The following CDK6 variants were observed in gnomAD, a reference collection of about 807,000 sequenced individuals.
CDK6 encodes cyclin-dependent kinase 6.
A neutral mutation model predicts 37.1 loss-of-function variants in CDK6; 6 were observed. That is an observed-to-expected ratio of 0.16 (90% CI 0.09 to 0.32). CDK6 has a LOEUF of 0.32. Ranked by LOEUF, CDK6 falls within the 10% of genes least tolerant of loss-of-function variation. CDK6 has a pLI of 1.00. For synonymous variants in CDK6, 160 were observed against 161.3 expected (o/e 0.99, Z 0.06); for missense variants, 224 against 418.9 (o/e 0.53, Z 4.06).
At chr7:92,707,070 T>C (rs1165985916) in intron 4 of CDK6, among the ~76,000 whole-genome samples, 1 of 152,222 alleles carries the variant, frequency 6.6e-6, no homozygotes, top group Non-Finnish European at 1.5e-5. Context: ...AAGTGATTTC[T>C]AAGTAACTGA....
intron 5 of CDK6, among the ~76,000 whole-genome samples, chr7:92,660,712 T>C (rs1040125734): frequency 6.6e-6 from 1 of 152,062 alleles, no homozygotes; most frequent in Non-Finnish European, 1.5e-5. Context: ...AGGGGCCCCA[T>C]GGAGACAGAA....
chr7:92,672,794 C>G (rs1271587468), intron 4 of CDK6, among the ~76,000 whole-genome samples: 1 of 152,134 alleles, frequency 6.6e-6, no homozygotes, highest in Non-Finnish European at 1.5e-5. Context: ...TCTAAATTTT[C>G]TAAAATTCTG....
intron 4 of CDK6, among the ~76,000 whole-genome samples, chr7:92,672,184 G>GACACACACACAGACAC (rs1175195840): frequency 2.3e-5 from 1 of 44,140 alleles, no homozygotes; most frequent in Non-Finnish European, 3.7e-5. Context: ...CACACACACA[G>GACACACACACAGACAC]ACACATACAC....
chr7:92,826,808 A>C lies in CDK6; in HGVS notation c.233+6283T>G, dbSNP rs73416982. Among the ~76,000 whole-genome samples, 843 of 152,284 alleles carry C rather than the reference A, an allele frequency of 5.5e-3. 3 individuals are homozygous for C. The highest frequency in any genetic ancestry group is 0.019 in the African/African-American group (803 of 41,566). On this transcript the variant is annotated intron_variant, in intron 2 of 7. Transcript: ENST00000424848. ...ACTTGCTAATGCAGTATACAACTCT[A>C]AAACGATGAAAAGTGCTTATCTAAG...
chr7:92,707,812 T>C lies in CDK6; in HGVS notation c.537+17814A>G, dbSNP rs924346699. Among the ~76,000 whole-genome samples, 13 of 152,314 alleles carry C rather than the reference T, an allele frequency of 8.5e-5. No individual in the cohort carries two copies. In the South Asian group the frequency reaches 1.5e-3, roughly 17 times the overall value. ...TGCTGTCTTCCCAGACTCTTCCAACTTAACAATCTCTGGCCTCAAGAACAT... is the reference window on the plus strand; with the variant it reads ...TGCTGTCTTCCCAGACTCTTCCAACCTAACAATCTCTGGCCTCAAGAACAT... On this transcript the variant is annotated intron_variant, in intron 4 of 7. Transcript: ENST00000424848.
intron 2 of CDK6, among the ~76,000 whole-genome samples, chr7:92,819,979 C>A (rs10246604): frequency 0.14 from 21,147 of 151,710 alleles, 2,418 homozygotes; most frequent in African/African-American, 0.31. Context: ...GATGAAGAAG[C>A]AGCCATTAAA....
chr7:92,807,388 A>T (rs775167795), intron 2 of CDK6, among the ~76,000 whole-genome samples: 3 of 151,950 alleles, frequency 2.0e-5, no homozygotes, highest in Non-Finnish European at 4.4e-5. Flanking sequence ...TAGATTATAT[A>T]TCTGTATCTA....
chr7:92,766,506 C>T (rs1292519530), intron 3 of CDK6, among the ~76,000 whole-genome samples: 1 of 152,020 alleles, frequency 6.6e-6, no homozygotes, highest in Non-Finnish European at 1.5e-5. Flanking sequence ...ATGTGGGAGA[C>T]GTCAGGCTGG....
intron 5 of CDK6, among the ~76,000 whole-genome samples, chr7:92,664,132 C>T (rs1357168314): frequency 2.0e-5 from 3 of 151,450 alleles, no homozygotes; most frequent in Non-Finnish European, 4.4e-5. Context: ...CAGAGCGAGA[C>T]TCTGCCTCAA....
chr7:92,620,032 T>C (rs145020684), intron 6 of CDK6, among the ~76,000 whole-genome samples: 4 of 152,160 alleles, frequency 2.6e-5, no homozygotes, highest in Non-Finnish European at 4.4e-5. Context: ...AGTTGTCAGG[T>C]CTATGTGTAT....
intron 2 of CDK6, among the ~76,000 whole-genome samples, chr7:92,784,091 G>A (rs1199490251): frequency 6.6e-6 from 1 of 151,820 alleles, no homozygotes; most frequent in Non-Finnish European, 1.5e-5. Context: ...AAAAAAAAAA[G>A]CTTTAGAGCT....
intron 5 of CDK6, among the ~76,000 whole-genome samples, chr7:92,635,982 A>G (rs537354013): frequency 2.1e-4 from 32 of 152,286 alleles, no homozygotes; most frequent in African/African-American, 7.7e-4. Flanking sequence ...AAACAATACT[A>G]TTTTATCAAG....
intron 3 of CDK6, among the ~76,000 whole-genome samples, chr7:92,749,310 A>C (rs1584048012): frequency 6.6e-6 from 1 of 151,990 alleles, no homozygotes; most frequent in Non-Finnish European, 1.5e-5. Context: ...CCCTGTCTCT[A>C]CAAAAAAAAT....
At chr7:92,829,805 G>A (rs779049603) in intron 2 of CDK6, among the ~76,000 whole-genome samples, 1 of 152,176 alleles carries the variant, frequency 6.6e-6, no homozygotes, top group Non-Finnish European at 1.5e-5. Context: ...TATAAAACTG[G>A]TTAGGTTAAG....
chr7:92,697,311 A>C (rs879604585), intron 4 of CDK6, among the ~76,000 whole-genome samples: 1 of 152,228 alleles, frequency 6.6e-6, no homozygotes, highest in African/African-American at 2.4e-5. Context: ...TGAGAAGCTC[A>C]AAGAAACCCC....
chr7:92,759,293 G>A (rs1799393059), intron 3 of CDK6, among the ~76,000 whole-genome samples: 1 of 152,124 alleles, frequency 6.6e-6, no homozygotes, highest in Non-Finnish European at 1.5e-5. Flanking sequence ...CCAAAGGCTA[G>A]GACTTTGTTA....
intron 5 of CDK6, among the ~76,000 whole-genome samples, chr7:92,646,139 C>G (rs1275815531): frequency 1.3e-5 from 2 of 152,192 alleles, no homozygotes; most frequent in East Asian, 1.9e-4. Context: ...CTTCAGGAAG[C>G]CCCTATTATT....
At chr7:92,771,949 A>C (rs2115771030) in intron 3 of CDK6, among the ~76,000 whole-genome samples, 1 of 152,346 alleles carries the variant, frequency 6.6e-6, no homozygotes, top group Non-Finnish European at 1.5e-5. Context: ...TCTCCTACTT[A>C]GCAGCTGTTT....
intron 2 of CDK6, among the ~76,000 whole-genome samples, chr7:92,799,503 T>A (rs1476861329): frequency 2.6e-5 from 4 of 152,130 alleles, no homozygotes; most frequent in Non-Finnish European, 4.4e-5. Flanking sequence ...TAGTCTTTTT[T>A]TTTTTCACTT....
Sources: gnomAD v4.1 joint callset for allele counts (sites outside exome capture counted in the v4.1 genomes callset) on GRCh38, gnomAD v4.1.1 for gene constraint, MANE v1.5 for transcripts, NCBI Gene and HGNC (gene_info 2026-07-23, HGNC 2026-07-21) for gene names.